NHSL2: variants seen among roughly 807,000 people sequenced by gnomAD.
NHSL2 encodes the protein NHS like 2.
Under a neutral mutation model 53.4 loss-of-function variants are expected in NHSL2, and 27 were observed. The ratio of observed to expected loss-of-function variants is 0.51; its 90% CI spans 0.37 to 0.70. NHSL2 has a LOEUF of 0.70. NHSL2 is among the 30% of genes least tolerant of loss of function. The probability of loss-of-function intolerance (pLI) is 0.00; values close to 1 mark genes in which losing one functional copy is unlikely to be tolerated. For synonymous variants in NHSL2, 408 were observed against 404.1 expected (o/e 1.01, Z -0.12); for missense variants, 892 against 980.1 (o/e 0.91, Z 1.20).
intron 1 of NHSL2, among the ~76,000 whole-genome samples, chrX:72,089,249 T>TA (rs11349378): frequency 0.06 from 6,039 of 101,129 alleles, 243 homozygotes; most frequent in South Asian, 0.23. Flanking sequence ...GAGGATTTGT[T>TA]AAAAAAAAAA....
chrX:72,008,416 C>T (rs1344638450), intron 1 of NHSL2, among the ~76,000 whole-genome samples: 1 of 111,837 alleles, frequency 8.9e-6, no homozygotes, highest in Non-Finnish European at 1.9e-5. Context: ...TGGCTGGAGC[C>T]AATAAGGGGT....
At chrX:71,911,462 C>T (rs2041602112) in intron 1 of NHSL2, 95 bp downstream of exon 1, 3 of 768,264 alleles carry the variant, frequency 3.9e-6, no homozygotes, top group Non-Finnish European at 3.4e-6. Context: ...CTCTCCCCGC[C>T]TCTCTCCGCC....
At chrX:72,129,789 C>T in intron 1 of NHSL2, 1 of 1,138,735 alleles carries the variant, frequency 8.8e-7, no homozygotes, top group Non-Finnish European at 1.2e-6. Flanking sequence ...GCGGGGGATG[C>T]AAAAGAAGGG....
rs756749915 is a variant in NHSL2, at chrX:72,140,686, C to T, written c.3138C>T (p.Pro1046=). Reference sequence around the variant, plus strand: ...CCCTGGAGGAAGACACCAAGTGTCCCGCCACCGGCGATGACCTGCAATCAC... The same window carrying T: ...CCCTGGAGGAAGACACCAAGTGTCCTGCCACCGGCGATGACCTGCAATCAC... The part of the protein sequence containing the change: ...IITLEEDTKC[P]ATGDDLQSLG... The change falls in exon 6 of 8, where the codon CCC becomes CCT. Residue 1046 remains proline (P), a synonymous_variant. Transcript: ENST00000633930. 26 of 1,208,576 alleles carry T rather than the reference C, an allele frequency of 2.2e-5. No homozygotes were observed. Among genetic ancestry groups the T allele is most frequent in the South Asian group, 1.9e-4 (11 of 56,606 alleles).
chrX:72,062,368 G>A (rs896974915), intron 1 of NHSL2, among the ~76,000 whole-genome samples: 1 of 112,457 alleles, frequency 8.9e-6, no homozygotes. Context: ...GATTAGCACA[G>A]TAGTACATAT....
intron 1 of NHSL2, among the ~76,000 whole-genome samples, chrX:72,042,892 GA>G (rs1038338046): frequency 1.4e-4 from 15 of 109,880 alleles, no homozygotes; most frequent in African/African-American, 4.7e-4. Context: ...AGGAAGGAAT[GA>G]ACCAGGTGTA....
chrX:72,064,859 C>T (rs189149552), intron 1 of NHSL2, among the ~76,000 whole-genome samples: 24 of 111,412 alleles, frequency 2.2e-4, no homozygotes, highest in Admixed American at 5.7e-4. Context: ...GAAACACAGG[C>T]GAAAAAGAAA....
chrX:72,056,084 G>C (rs1387183399), intron 1 of NHSL2, among the ~76,000 whole-genome samples: 1 of 112,007 alleles, frequency 8.9e-6, no homozygotes, highest in Non-Finnish European at 1.9e-5. Flanking sequence ...TTACCACCTA[G>C]ATTTGGCCAC....
chrX:72,088,582 G>C (rs1351769395), intron 1 of NHSL2, among the ~76,000 whole-genome samples: 1 of 111,538 alleles, frequency 9.0e-6, no homozygotes, highest in African/African-American at 3.3e-5. Context: ...CCTTGACTTT[G>C]GCTTCAAGGC....
Position 72,144,555 on chromosome X carries a change from C to T in NHSL2, c.*981C>T, listed in dbSNP as rs1414820571. ...TAATGGAAAGTAAGTGCATCTTGCC[C>T]CCCACCAGTCAATTCAGATCGTGGT... On this transcript the variant is annotated 3_prime_UTR_variant, in exon 8 of 8. Transcript: ENST00000633930. 9.8e-7 allele frequency: 1 copy of T among 1,024,251 alleles called. No homozygotes were observed. Among genetic ancestry groups the T allele is most frequent in the Non-Finnish European group, 1.3e-6 (1 of 775,877 alleles). The allele number at this position is 1,024,251 out of a possible 1,213,427, so 84.4% of individuals were successfully genotyped here. A position where few individuals can be genotyped will look rare whatever the true frequency, so the allele number is the denominator to read the frequency against.
At chrX:72,026,243 T>C (rs2042185114) in intron 1 of NHSL2, among the ~76,000 whole-genome samples, 1 of 112,029 alleles carries the variant, frequency 8.9e-6, no homozygotes, top group South Asian at 3.7e-4. Context: ...GAAATGGCGC[T>C]GCCCAGGCCT....
intron 1 of NHSL2, among the ~76,000 whole-genome samples, chrX:71,970,566 G>A (rs1267141149): frequency 9.3e-6 from 1 of 107,270 alleles, no homozygotes; most frequent in African/African-American, 3.4e-5. Context: ...TGTAAGGTCA[G>A]TAGTGATGAG....
intron 1 of NHSL2, among the ~76,000 whole-genome samples, chrX:72,055,802 C>T (rs1482659971): frequency 8.9e-6 from 1 of 112,232 alleles, no homozygotes; most frequent in Non-Finnish European, 1.9e-5. Context: ...AACAGAAACG[C>T]AAATGTTCCG....
In NHSL2 at chrX:72,145,351, C is replaced by T. The variant is rs967123285; in HGVS notation, c.*1777C>T. The T allele has an allele frequency of 2.7e-5, 3 of 112,328 alleles. No individual in the cohort carries two copies. In the East Asian group the frequency reaches 8.4e-4, roughly 31 times the overall value. The allele number at this position is 112,328 out of a possible 1,213,427, so 9.3% of individuals were successfully genotyped here. ...TCACAAGAGAAGCCCTAGGCCTAGG[C>T]CCTTTGTTGTTATAGTTCTGAATCT... On this transcript the variant is annotated 3_prime_UTR_variant, in exon 8 of 8. Transcript: ENST00000633930.
intron 1 of NHSL2, among the ~76,000 whole-genome samples, chrX:72,068,090 CACA>C (rs893569750): frequency 6.3e-5 from 7 of 111,854 alleles, no homozygotes; most frequent in African/African-American, 2.3e-4. Context: ...TTGATAGTCT[CACA>C]ACATTATTGA....
intron 1 of NHSL2, among the ~76,000 whole-genome samples, chrX:72,047,438 G>A (rs1014724297): frequency 3.6e-5 from 4 of 112,127 alleles, no homozygotes; most frequent in Admixed American, 1.9e-4. Context: ...TTCTCACAGG[G>A]AGCAATGGCT....
At chrX:72,029,627 G>A (rs1363851464) in intron 1 of NHSL2, among the ~76,000 whole-genome samples, 3 of 112,983 alleles carry the variant, frequency 2.7e-5, no homozygotes, top group East Asian at 5.6e-4. Flanking sequence ...TACTGCCCTC[G>A]CACATGCTCT....
chrX:72,046,170 G>A (rs985766384), intron 1 of NHSL2, among the ~76,000 whole-genome samples: 1 of 112,290 alleles, frequency 8.9e-6, no homozygotes, highest in Non-Finnish European at 1.9e-5. Context: ...ACCTTTTAAG[G>A]TTTGGAGTTT....
intron 1 of NHSL2, among the ~76,000 whole-genome samples, chrX:72,103,693 T>A (rs1264903399): frequency 8.9e-6 from 1 of 112,070 alleles, no homozygotes; most frequent in Non-Finnish European, 1.9e-5. Flanking sequence ...GACTGGGTAA[T>A]CTTGGTTGGG....
Sources: gnomAD v4.1 joint callset for allele counts (sites outside exome capture counted in the v4.1 genomes callset) on GRCh38, gnomAD v4.1.1 for gene constraint, MANE v1.5 for transcripts, NCBI Gene and HGNC (gene_info 2026-07-23, HGNC 2026-07-21) for gene names.